ZNF385D: variants seen among roughly 807,000 people sequenced by gnomAD.
ZNF385D encodes zinc finger protein 385D.
ZNF385D carries 15 observed loss-of-function variants against 35.8 expected under a neutral mutation model. The ratio of observed to expected loss-of-function variants is 0.42; its 90% CI spans 0.28 to 0.64. The LOEUF is 0.64. Ranked by LOEUF, ZNF385D falls within the 30% of genes least tolerant of loss-of-function variation. ZNF385D has a pLI of 0.23. For synonymous variants in ZNF385D, 212 were observed against 186.8 expected, an observed-to-expected ratio of 1.13 and a Z score of -1.10; for missense variants, 474 against 494.6, an observed-to-expected ratio of 0.96 and a Z score of 0.39.
rs1222590377 is a variant in ZNF385D at position 21,568,350 on chromosome 3, CAGAT to C, written c.166-3670_166-3667del. 5.3e-5 allele frequency among the ~76,000 whole-genome samples: 8 copies of C among 152,234 alleles called. No homozygotes were observed. In the East Asian group the frequency reaches 5.8e-4, roughly 11 times the overall value. On this transcript the variant is annotated intron_variant, in intron 2 of 7. Transcript: ENST00000281523. ...ACTGTCAAATCAGGGGACACACACA[CAGAT>C]AGTTTGATCATTTTGTCTAAACTTA...
intron 3 of ZNF385D, among the ~76,000 whole-genome samples, chr3:22,098,966 A>G (rs186319188): frequency 2.0e-5 from 3 of 152,194 alleles, no homozygotes; most frequent in East Asian, 3.9e-4. Context: ...CTAATACTCT[A>G]TACTAAGGAC....
chr3:21,546,837 C>T (rs1374561151), intron 3 of ZNF385D, among the ~76,000 whole-genome samples: 1 of 4,558 alleles, frequency 2.2e-4, no homozygotes, highest in Non-Finnish European at 3.9e-4. Flanking sequence ...TATTCTCTAG[C>T]CCCCCCCGCT....
chr3:21,443,390 T>C, intron 4 of ZNF385D: 5 of 981,256 alleles, frequency 5.1e-6, no homozygotes, highest in Non-Finnish European at 6.1e-6. Flanking sequence ...TAGTCTCCAT[T>C]TGTATGCTCG....
chr3:22,292,783 T>C (rs547181777), intron 2 of ZNF385D, among the ~76,000 whole-genome samples: 1 of 152,256 alleles, frequency 6.6e-6, no homozygotes, highest in East Asian at 1.9e-4. Context: ...TTATTTGCCA[T>C]TGACTTCTTA....
chr3:21,583,821 CT>C (rs2063733974), intron 2 of ZNF385D, among the ~76,000 whole-genome samples: 2 of 150,798 alleles, frequency 1.3e-5, no homozygotes, highest in Middle Eastern at 7.1e-3. Context: ...TATGTTTCCA[CT>C]TTTATGTTTG....
At chr3:21,820,799 G>C (rs1181863425) in intron 3 of ZNF385D, among the ~76,000 whole-genome samples, 1 of 150,864 alleles carries the variant, frequency 6.6e-6, no homozygotes, top group Non-Finnish European at 1.5e-5. Flanking sequence ...AGAAGTCTGA[G>C]GACATTGTGT....
At chr3:21,610,664 A>T (rs578068480) in intron 2 of ZNF385D, among the ~76,000 whole-genome samples, 2 of 151,812 alleles carry the variant, frequency 1.3e-5, no homozygotes, top group Non-Finnish European at 2.9e-5. Flanking sequence ...GGTCCCAGCT[A>T]CTCAGGAGGC....
chr3:22,172,629 C>G (rs1161465374), intron 2 of ZNF385D, among the ~76,000 whole-genome samples: 1 of 152,142 alleles, frequency 6.6e-6, no homozygotes, highest in East Asian at 1.9e-4. Context: ...ATTCGTGTAA[C>G]CTAATTAAGA....
At chr3:21,492,282 A>G (rs932149288) in intron 4 of ZNF385D, among the ~76,000 whole-genome samples, 2 of 152,230 alleles carry the variant, frequency 1.3e-5, no homozygotes, top group South Asian at 4.1e-4. Flanking sequence ...ATCAATAGCT[A>G]AATAACCAAT....
intron 1 of ZNF385D, among the ~76,000 whole-genome samples, chr3:21,744,286 GATC>G (rs2069658813): frequency 6.6e-6 from 1 of 152,150 alleles, no homozygotes; most frequent in South Asian, 2.1e-4. Context: ...AAGTGTAAGG[GATC>G]ATGTTTATTA....
At chr3:22,185,698 C>A (rs953392058) in intron 2 of ZNF385D, among the ~76,000 whole-genome samples, 1 of 152,162 alleles carries the variant, frequency 6.6e-6, no homozygotes, top group Non-Finnish European at 1.5e-5. Flanking sequence ...GAACTCCTAA[C>A]GTCATGATCC....
chr3:21,447,196 GA>G (rs1306807023), intron 4 of ZNF385D, among the ~76,000 whole-genome samples: 1 of 152,082 alleles, frequency 6.6e-6, no homozygotes, highest in African/African-American at 2.4e-5. Flanking sequence ...CAAAATTTGT[GA>G]GCTTTTGGAT....
rs1700710142 is a variant in ZNF385D, at chr3:21,421,040, C to A, written c.*174G>T. 7.7e-6 allele frequency: 2 copies of A among 261,008 alleles called. 1 individual carries two copies. Among genetic ancestry groups the A allele is most frequent in the Admixed American group, 8.9e-5 (2 of 22,420 alleles). 16.2% of individuals were successfully genotyped at this position (261,008 alleles called of 1,614,324 possible). A position where few individuals can be genotyped will look rare whatever the true frequency, so the allele number is the denominator to read the frequency against. The stretch of plus-strand genomic sequence containing the variant: ...AATTTGGAGAAAATACCACTCCCTC[C>A]CTCCCACCCCCAAACCTCCCCCACT... On this transcript the variant is annotated 3_prime_UTR_variant, in exon 8 of 8. Transcript: ENST00000281523.
intron 3 of ZNF385D, among the ~76,000 whole-genome samples, chr3:21,984,597 T>C (rs1217395465): frequency 9.9e-6 from 1 of 101,072 alleles, no homozygotes; most frequent in Non-Finnish European, 2.0e-5. Context: ...AGTCAGGTAG[T>C]GTGATGCCTC....
Position 21,505,930 on chromosome 3 carries a change from A to T in ZNF385D, c.439+4931T>A, listed in dbSNP as rs573066608. Among the ~76,000 whole-genome samples the T allele has an allele frequency of 2.0e-5, 3 of 152,184 alleles. No homozygotes were observed. In the South Asian group the frequency reaches 6.2e-4, roughly 32 times the overall value. ...TACTTGGCCAACCGTTTCAGCATAA[A>T]TTCCTGTTTTATCTCTCCTCCCTCG... On this transcript the variant is annotated intron_variant, in intron 4 of 7. Transcript: ENST00000281523.
chr3:21,824,263 A>G (rs185901024), intron 3 of ZNF385D, among the ~76,000 whole-genome samples: 139 of 152,314 alleles, frequency 9.1e-4, no homozygotes, highest in Non-Finnish European at 1.7e-3. Context: ...TCAAAACGAC[A>G]TATCTACGTG....
At chr3:22,135,770 A>T (rs985716009) in intron 3 of ZNF385D, among the ~76,000 whole-genome samples, 34 of 152,210 alleles carry the variant, frequency 2.2e-4, no homozygotes, top group African/African-American at 7.5e-4. Flanking sequence ...TAGTTTTGGT[A>T]AAAAAGTATA....
At chr3:22,221,678 T>C (rs1332717933) in intron 2 of ZNF385D, among the ~76,000 whole-genome samples, 3 of 152,196 alleles carry the variant, frequency 2.0e-5, no homozygotes, top group Non-Finnish European at 4.4e-5. Flanking sequence ...TTTGTTCTTT[T>C]TAACTTGTTA....
intron 4 of ZNF385D, among the ~76,000 whole-genome samples, chr3:21,497,886 C>T (rs181672965): frequency 2.0e-4 from 30 of 151,792 alleles, no homozygotes; most frequent in Admixed American, 1.2e-3. Flanking sequence ...AAAACTCTTA[C>T]GGAACCAGAA....
Sources: gnomAD v4.1 joint callset for allele counts (sites outside exome capture counted in the v4.1 genomes callset) on GRCh38, gnomAD v4.1.1 for gene constraint, MANE v1.5 for transcripts, NCBI Gene and HGNC (gene_info 2026-07-23, HGNC 2026-07-21) for gene names.